Variants in LRBA observed in about 807,000 individuals in gnomAD.
LRBA encodes LPS responsive beige-like anchor protein.
Under a neutral mutation model 330.0 loss-of-function variants are expected in LRBA, and 176 were observed. That is an observed-to-expected ratio of 0.53 (90% CI 0.47 to 0.60). The LOEUF (loss-of-function observed/expected upper bound fraction) is 0.60. Ranked by LOEUF, LRBA falls within the 20% of genes least tolerant of loss-of-function variation. The pLI is 0.00. For synonymous variants in LRBA, 1,230 were observed against 1,193.0 expected, an observed-to-expected ratio of 1.03 and a Z score of -0.64; for missense variants, 3,259 against 3,444.8, an observed-to-expected ratio of 0.95 and a Z score of 1.35.
chr4:150,441,839 C>T (rs991385203), intron 44 of LRBA, among the ~76,000 whole-genome samples: 2 of 151,932 alleles, frequency 1.3e-5, no homozygotes, highest in African/African-American at 4.8e-5. Flanking sequence ...CAAAAATGTG[C>T]TGTAATCTCA....
intron 48 of LRBA, among the ~76,000 whole-genome samples, chr4:150,331,315 G>A (rs560182303): frequency 3.3e-5 from 5 of 152,248 alleles, no homozygotes; most frequent in East Asian, 3.9e-4. Context: ...AACCCTGTAC[G>A]GTTCAGCAAG....
intron 9 of LRBA, among the ~76,000 whole-genome samples, chr4:150,912,106 T>C (rs1372422276): frequency 6.6e-6 from 1 of 152,172 alleles, no homozygotes; most frequent in Non-Finnish European, 1.5e-5. Context: ...TAAGAATTTG[T>C]CAATTTTGCT....
intron 36 of LRBA, chr4:150,721,279 C>T (rs1195293495): frequency 5.5e-6 from 2 of 362,608 alleles, no homozygotes; most frequent in Non-Finnish European, 1.1e-5. Flanking sequence ...AAGTCCAATG[C>T]TGATGAATTC....
chr4:150,441,325 A>G (rs1751812217), intron 44 of LRBA, among the ~76,000 whole-genome samples: 1 of 152,102 alleles, frequency 6.6e-6, no homozygotes, highest in African/African-American at 2.4e-5. Context: ...CCCATCAATG[A>G]ATTTTACTAC....
chr4:150,775,989 T>G (rs1176639337), intron 34 of LRBA, among the ~76,000 whole-genome samples: 1 of 152,090 alleles, frequency 6.6e-6, no homozygotes, highest in Non-Finnish European at 1.5e-5. Context: ...TTTTTAGCTC[T>G]GGCATAAATA....
intron 21 of LRBA, 45 bp from the exon 22 acceptor site, chr4:150,867,908 T>G (rs1253903704): frequency 7.6e-6 from 11 of 1,451,868 alleles, no homozygotes; most frequent in Non-Finnish European, 1.0e-5. Context: ...AAAAAAAAAT[T>G]ATCTAAAATA....
chr4:150,559,665 A>ATATTATATAATATAT (rs1561350862), intron 40 of LRBA, among the ~76,000 whole-genome samples: 23 of 86,118 alleles, frequency 2.7e-4, no homozygotes, highest in East Asian at 1.1e-3. Flanking sequence ...TAATTATAAT[A>ATATTATATAATATAT]TATATATTAT....
At chr4:150,557,285 GT>G (rs1279306975) in intron 40 of LRBA, among the ~76,000 whole-genome samples, 2 of 152,140 alleles carry the variant, frequency 1.3e-5, no homozygotes, top group East Asian at 3.8e-4. Context: ...AAATTCATGA[GT>G]CCATAGCAAT....
At chr4:150,848,675 T>A in intron 26 of LRBA, 143 bp downstream of exon 26, 1 of 618,924 alleles carries the variant, frequency 1.6e-6, no homozygotes, top group Non-Finnish European at 2.8e-6. Flanking sequence ...CAACTACTAC[T>A]ATGTACATTA....
rs190954320 is a variant in LRBA at position 150,368,765 on chromosome 4, T to C, written c.7195-18606A>G. Among the ~76,000 whole-genome samples, 39 of 152,312 alleles carry C rather than the reference T, an allele frequency of 2.6e-4. 1 individual carries two copies. The highest frequency in any genetic ancestry group is 1.4e-3 in the Admixed American group (21 of 15,302). ...ACTTACACAAGGTGATGTCAAGTAA[T>C]TTAAAAAACATATTCTAAAAAGAGC... is the stretch of plus-strand genomic sequence containing the variant. On this transcript the variant is annotated intron_variant, in intron 47 of 56. Coordinates refer to ENST00000651943, the MANE Select transcript of LRBA (RefSeq NM_001364905.1).
intron 34 of LRBA, among the ~76,000 whole-genome samples, chr4:150,797,404 T>C (rs1377796918): frequency 1.3e-5 from 2 of 151,840 alleles, no homozygotes; most frequent in African/African-American, 4.8e-5. Context: ...AGATATCACT[T>C]TAAAAGACTA....
At chr4:150,270,938 G>T (rs1746007103) in intron 56 of LRBA, among the ~76,000 whole-genome samples, 1 of 152,250 alleles carries the variant, frequency 6.6e-6, no homozygotes, top group South Asian at 2.1e-4. Context: ...AATAGGAGCA[G>T]ATCTGGTCTG....
At chr4:150,586,058 A>G (rs575388769) in intron 40 of LRBA, among the ~76,000 whole-genome samples, 176 of 152,308 alleles carry the variant, frequency 1.2e-3, no homozygotes, top group Non-Finnish European at 2.0e-3. Context: ...CTCTTCCTGT[A>G]TTCTTCACAG....
chr4:150,277,952 C>G lies in LRBA; in HGVS notation c.8369G>C (p.Gly2790Ala). ...CGACACCTGCCGGACCACGACCACTCCTCTGTCTCCTCCTGTGAGCAGGTA... is the reference window on the plus strand; with the variant it reads ...CGACACCTGCCGGACCACGACCACTGCTCTGTCTCCTCCTGTGAGCAGGTA... Reference protein sequence around the residue: ...GQYLLTGGDRGVVVVRQVSDL... With the variant: ...GQYLLTGGDRAVVVVRQVSDL... The change falls in exon 56 of 57, where the codon GGA becomes GCA. Residue 2790 changes from glycine to alanine, a missense_variant. By Grantham distance (60) the Gly-to-Ala change is moderately conservative. Coordinates refer to ENST00000651943, the MANE Select transcript of LRBA (RefSeq NM_001364905.1). 2 of 1,614,186 alleles carry G rather than the reference C, an allele frequency of 1.2e-6. No individual in the cohort carries two copies. The highest frequency in any genetic ancestry group is 1.7e-6 in the Non-Finnish European group (2 of 1,180,032).
chr4:150,451,487 T>C (rs887883835), intron 44 of LRBA, among the ~76,000 whole-genome samples: 12 of 152,056 alleles, frequency 7.9e-5, no homozygotes, highest in Admixed American at 3.3e-4. Flanking sequence ...ACAAGAGAAA[T>C]TAGAAAACAT....
At chr4:150,663,361 T>C (rs1781291681) in intron 37 of LRBA, among the ~76,000 whole-genome samples, 1 of 151,966 alleles carries the variant, frequency 6.6e-6, no homozygotes, top group East Asian at 1.9e-4. Context: ...TTATATCAAG[T>C]AAGATGTCAA....
intron 47 of LRBA, among the ~76,000 whole-genome samples, chr4:150,352,362 T>A (rs530571463): frequency 3.3e-5 from 5 of 152,302 alleles, no homozygotes; most frequent in East Asian, 3.9e-4. Context: ...ACAAAAAAAA[T>A]TTCCTTTAAT....
chr4:150,295,139 A>T (rs1252348932), intron 53 of LRBA, among the ~76,000 whole-genome samples: 6 of 151,756 alleles, frequency 4.0e-5, no homozygotes, highest in Non-Finnish European at 8.8e-5. Flanking sequence ...AGAGGCTAAC[A>T]GTGGGGAGTG....
At chr4:150,521,446 G>C (rs1762914765) in intron 40 of LRBA, among the ~76,000 whole-genome samples, 1 of 151,952 alleles carries the variant, frequency 6.6e-6, no homozygotes, top group Non-Finnish European at 1.5e-5. Context: ...GTGGAGATTG[G>C]GTTTCACTGT....
Sources: allele counts gnomAD v4.1 joint callset (sites outside exome capture counted in the v4.1 genomes callset), GRCh38; gene constraint gnomAD v4.1.1; transcripts MANE v1.5; gene names NCBI Gene and HGNC (gene_info 2026-07-23, HGNC 2026-07-21).